CNTN3: variants seen among roughly 807,000 people sequenced by gnomAD.
CNTN3 encodes contactin-3.
A neutral mutation model predicts 119.1 loss-of-function variants in CNTN3; 60 were observed. The observed-to-expected ratio is 0.50, with a 90% CI of 0.41 to 0.62. The LOEUF (loss-of-function observed/expected upper bound fraction) is 0.62, where lower values mean the gene tolerates loss of function less well. Among genes scored for constraint, CNTN3 ranks in the 20% least tolerant of loss-of-function variants. The pLI is 0.00. For missense variants in CNTN3, 1,101 were observed against 1,242.4 expected (o/e 0.89, Z 1.71); for synonymous variants, 450 against 438.7 (o/e 1.03, Z -0.32).
chr3:74,512,779 A>T (rs1703391588), intron 2 of CNTN3, among the ~76,000 whole-genome samples: 2 of 151,870 alleles, frequency 1.3e-5, no homozygotes, highest in Non-Finnish European at 2.9e-5. Context: ...CCTTAATGAA[A>T]AAATAGATGT....
intron 19 of CNTN3, among the ~76,000 whole-genome samples, chr3:74,294,427 C>T (rs1354190464): frequency 6.6e-6 from 1 of 152,098 alleles, no homozygotes; most frequent in Non-Finnish European, 1.5e-5. Context: ...GGCAGGTGGG[C>T]CTCTACTCCT....
At chr3:74,374,024 C>T (rs892400357) in intron 5 of CNTN3, among the ~76,000 whole-genome samples, 1 of 152,144 alleles carries the variant, frequency 6.6e-6, no homozygotes, top group Admixed American at 6.6e-5. Flanking sequence ...TGTGGCCACA[C>T]ACCTCCCTGC....
At chr3:74,552,261 C>T (rs1354735272) in intron 1 of CNTN3, among the ~76,000 whole-genome samples, 1 of 152,140 alleles carries the variant, frequency 6.6e-6, no homozygotes, top group Non-Finnish European at 1.5e-5. Flanking sequence ...CATAAACGTC[C>T]ATGTGGATAT....
At chr3:74,505,451 T>A (rs1575791015) in intron 2 of CNTN3, among the ~76,000 whole-genome samples, 1 of 5,192 alleles carries the variant, frequency 1.9e-4, no homozygotes, top group Non-Finnish European at 3.3e-3. Flanking sequence ...ACTATACGTG[T>A]GTGTGTGTGT....
Position 74,614,433 on chromosome 3 carries a change from TCGCCGCCGC to T in CNTN3, c.-132_-124del, listed in dbSNP as rs548175205. 1.9e-3 allele frequency among the ~76,000 whole-genome samples: 275 copies of T among 145,434 alleles called. 2 individuals are homozygous for T. The highest frequency in any genetic ancestry group is 7.7e-3 in the South Asian group (36 of 4,698). The stretch of plus-strand genomic sequence containing the variant: ...CCAGACGCCCGCCCCGACGGCCCAC[TCGCCGCCGC>T]CGCCGCCGCCGCCGCCGCCGCCACC... On this transcript the variant is annotated 5_prime_UTR_variant, in exon 1 of 23. Coordinates refer to ENST00000263665, the MANE Select transcript of CNTN3 (RefSeq NM_020872.3).
At chr3:74,325,918 C>T (rs1314224820) in intron 13 of CNTN3, among the ~76,000 whole-genome samples, 3 of 152,030 alleles carry the variant, frequency 2.0e-5, no homozygotes, top group Admixed American at 6.6e-5. Context: ...AAATTAATGA[C>T]GAGGCATCAT....
chr3:74,351,145 A>G (rs1030369643), intron 11 of CNTN3, among the ~76,000 whole-genome samples: 1 of 152,248 alleles, frequency 6.6e-6, no homozygotes, highest in African/African-American at 2.4e-5. Flanking sequence ...CAGCATCAGA[A>G]ACCTTTTGCT....
intron 2 of CNTN3, among the ~76,000 whole-genome samples, chr3:74,503,293 G>T (rs138824124): frequency 6.6e-6 from 1 of 152,114 alleles, no homozygotes; most frequent in Non-Finnish European, 1.5e-5. Context: ...TCCTGATGGC[G>T]CTGGAGTTAA....
At chr3:74,340,551 C>T (rs964777404) in intron 11 of CNTN3, among the ~76,000 whole-genome samples, 2 of 152,026 alleles carry the variant, frequency 1.3e-5, no homozygotes, top group Non-Finnish European at 2.9e-5. Flanking sequence ...GAGAATGACA[C>T]TTGATTTATA....
At chr3:74,528,240 T>G (rs1398126137) in intron 1 of CNTN3, among the ~76,000 whole-genome samples, 1 of 151,872 alleles carries the variant, frequency 6.6e-6, no homozygotes, top group African/African-American at 2.4e-5. Flanking sequence ...ATGAAGAATG[T>G]ACCTTTCCTA....
intron 13 of CNTN3, among the ~76,000 whole-genome samples, chr3:74,307,002 T>G (rs1257990507): frequency 6.6e-6 from 1 of 152,138 alleles, no homozygotes; most frequent in Non-Finnish European, 1.5e-5. Flanking sequence ...TAGAACTTTT[T>G]GGGGTTTCAG....
chr3:74,490,123 A>T (rs1427547060), intron 3 of CNTN3, among the ~76,000 whole-genome samples: 1 of 152,176 alleles, frequency 6.6e-6, no homozygotes, highest in African/African-American at 2.4e-5. Context: ...GTCAGCAAAA[A>T]GTGGGATGAG....
intron 1 of CNTN3, among the ~76,000 whole-genome samples, chr3:74,571,929 T>A (rs905003516): frequency 6.6e-6 from 1 of 152,186 alleles, no homozygotes; most frequent in African/African-American, 2.4e-5. Context: ...AGTCAGGGTA[T>A]CATATGAAAT....
intron 13 of CNTN3, among the ~76,000 whole-genome samples, chr3:74,305,814 G>T (rs1412489994): frequency 6.6e-6 from 1 of 150,960 alleles, no homozygotes; most frequent in Non-Finnish European, 1.5e-5. Flanking sequence ...AAATGAATTG[G>T]GCTATCCTCT....
At chr3:74,357,126 C>T (rs924643722) in intron 11 of CNTN3, among the ~76,000 whole-genome samples, 2 of 151,994 alleles carry the variant, frequency 1.3e-5, no homozygotes, top group African/African-American at 4.8e-5. Context: ...CAGGGTTTCA[C>T]CGTGTTAGCC....
chr3:74,376,244 C>A (rs2106800640), intron 5 of CNTN3, among the ~76,000 whole-genome samples: 1 of 152,224 alleles, frequency 6.6e-6, no homozygotes, highest in African/African-American at 2.4e-5. Context: ...GCAGGGGTGC[C>A]CAATCCCCCT....
intron 1 of CNTN3, among the ~76,000 whole-genome samples, chr3:74,606,814 C>T (rs1283797803): frequency 6.6e-6 from 1 of 152,056 alleles, no homozygotes; most frequent in Non-Finnish European, 1.5e-5. Flanking sequence ...TATATTAAGA[C>T]CCTTTTGTTC....
At chr3:74,561,900 C>T (rs939916349) in intron 1 of CNTN3, among the ~76,000 whole-genome samples, 20 of 152,228 alleles carry the variant, frequency 1.3e-4, no homozygotes, top group African/African-American at 4.8e-4. Flanking sequence ...ATAATCATGT[C>T]TTTTAATTAA....
At chr3:74,475,734 C>T (rs756345447) in intron 4 of CNTN3, among the ~76,000 whole-genome samples, 1 of 152,080 alleles carries the variant, frequency 6.6e-6, no homozygotes, top group Admixed American at 6.6e-5. Context: ...GGATTTCATA[C>T]TTGAAAATGC....
Sources: gnomAD v4.1 joint callset for allele counts (sites outside exome capture counted in the v4.1 genomes callset) on GRCh38, gnomAD v4.1.1 for gene constraint, MANE v1.5 for transcripts, NCBI Gene and HGNC (gene_info 2026-07-23, HGNC 2026-07-21) for gene names.